The following SPATA6L variants were observed in gnomAD, a reference collection of about 807,000 sequenced individuals.
SPATA6L encodes spermatogenesis associated 6 like, also known as spermatogenesis associated 6-like protein.
SPATA6L carries 68 observed loss-of-function variants against 49.2 expected under a neutral mutation model. That is an observed-to-expected ratio of 1.38 (90% CI 1.14 to 1.69). The LOEUF is 1.69. Ranked by LOEUF, SPATA6L falls within the 40% of genes most tolerant of loss-of-function variation. The pLI is 0.00. For synonymous variants in SPATA6L, 198 were observed against 165.7 expected (o/e 1.19, Z -1.50); for missense variants, 668 against 464.3 (o/e 1.44, Z -4.03).
At chr9:4,640,039 T>C (rs188179065) in intron 3 of SPATA6L, among the ~76,000 whole-genome samples, 1 of 152,356 alleles carries the variant, frequency 6.6e-6, no homozygotes, top group Admixed American at 6.5e-5. Flanking sequence ...TATGAAAGTA[T>C]AAAATATTGC....
chr9:4,621,919 T>C (rs561411817), intron 7 of SPATA6L, among the ~76,000 whole-genome samples: 1 of 152,364 alleles, frequency 6.6e-6, no homozygotes, highest in East Asian at 1.9e-4. Context: ...GCCTGAAATT[T>C]AAAGGTTTAA....
Position 4,613,590 on chromosome 9 carries a change from C to CT in SPATA6L, c.995+4332dup, listed in dbSNP as rs939266024. On this transcript the variant is annotated intron_variant, in intron 9 of 11. Coordinates refer to ENST00000682582, the MANE Select transcript of SPATA6L (RefSeq NM_001353486.2). The stretch of plus-strand genomic sequence containing the variant: ...CATTATTTCTATTCTTCTCTAAGAA[C>CT]TTTTTTTTTTTGACCCAGAGTCTCA... Among the ~76,000 whole-genome samples, 92 of 147,844 alleles carry CT rather than the reference C, an allele frequency of 6.2e-4. No individual in the cohort carries two copies. The Middle Eastern group carries it at 0.01, about 17-fold the overall frequency.
chr9:4,631,055 G>A (rs1388305156), intron 4 of SPATA6L, among the ~76,000 whole-genome samples: 1 of 152,148 alleles, frequency 6.6e-6, no homozygotes, highest in Non-Finnish European at 1.5e-5. Context: ...GTCCCCTGCT[G>A]GTAAGGAATC....
chr9:4,606,378 C>G (rs1470879152), intron 9 of SPATA6L, among the ~76,000 whole-genome samples: 2 of 127,606 alleles, frequency 1.6e-5, no homozygotes, highest in African/African-American at 3.3e-5. Flanking sequence ...GCAGTAACCT[C>G]TGCAGACTTA....
chr9:4,604,394 C>CTA, intron 10 of SPATA6L, 125 bp from the exon 11 acceptor site: 1 of 599,956 alleles, frequency 1.7e-6, no homozygotes, highest in Non-Finnish European at 2.9e-6. Flanking sequence ...ATGGGGTTCA[C>CTA]TATATATGTG....
intron 11 of SPATA6L, among the ~76,000 whole-genome samples, chr9:4,601,332 G>C (rs1344315486): frequency 6.6e-6 from 1 of 150,740 alleles, no homozygotes. Context: ...CCTTCCAAGA[G>C]AACTAGGGAT....
chr9:4,660,485 C>A (rs1839367456), intron 2 of SPATA6L, among the ~76,000 whole-genome samples: 1 of 152,180 alleles, frequency 6.6e-6, no homozygotes, highest in Non-Finnish European at 1.5e-5. Context: ...CAATGAGATA[C>A]CATCTCACAC....
At position 4,600,357 on chromosome 9, in the gene SPATA6L, C is replaced by T. The variant is rs1386909577; in HGVS notation, c.*454G>A. On this transcript the variant is annotated 3_prime_UTR_variant, in exon 12 of 12. Coordinates refer to ENST00000682582, the MANE Select transcript of SPATA6L (RefSeq NM_001353486.2). ...AGAAATAAACAAACAACAACAAAAA[C>T]GGATCTACCGAAAAGAGAAAGTCAG... Among the ~76,000 whole-genome samples the T allele has an allele frequency of 6.6e-6, 1 of 152,092 alleles. No homozygotes were observed. Among genetic ancestry groups the T allele is most frequent in the Non-Finnish European group, 1.5e-5 (1 of 68,026 alleles).
At chr9:4,602,496 A>C (rs752418142) in intron 11 of SPATA6L, among the ~76,000 whole-genome samples, 12 of 152,214 alleles carry the variant, frequency 7.9e-5, no homozygotes, top group Non-Finnish European at 1.3e-4. Flanking sequence ...TCTGTAAAGC[A>C]TGCATGACCC....
At chr9:4,626,483 C>A (rs1175424687) in intron 5 of SPATA6L, 2 of 1,304,378 alleles carry the variant, frequency 1.5e-6, no homozygotes, top group Non-Finnish European at 2.0e-6. Context: ...GTCTGGGTCC[C>A]ATTTCTGTTC....
At chr9:4,645,443 C>G (rs984287235) in intron 3 of SPATA6L, among the ~76,000 whole-genome samples, 12 of 152,120 alleles carry the variant, frequency 7.9e-5, no homozygotes, top group African/African-American at 2.7e-4. Flanking sequence ...TGAGGGCCTT[C>G]TTGCTGGTGG....
chr9:4,665,283 AT>A, intron 1 of SPATA6L: 1 of 160,376 alleles, frequency 6.2e-6, no homozygotes. Flanking sequence ...AACTTGCTTA[AT>A]TTTTGCCTTG....
chr9:4,609,852 A>C (rs1330000106), intron 9 of SPATA6L, among the ~76,000 whole-genome samples: 3 of 151,982 alleles, frequency 2.0e-5, no homozygotes, highest in Non-Finnish European at 4.4e-5. Context: ...GAAGAAGTCA[A>C]ATTGTCCCTG....
chr9:4,603,695 T>C (rs765352440), intron 11 of SPATA6L, among the ~76,000 whole-genome samples: 1 of 152,078 alleles, frequency 6.6e-6, no homozygotes, highest in Non-Finnish European at 1.5e-5. Context: ...TCAGCCCAGA[T>C]AAAAATATAA....
In SPATA6L at chr9:4,635,326, C is replaced by A; in HGVS notation, c.300G>T (p.Ser100=). The A allele has an allele frequency of 1.3e-6, 2 of 1,589,108 alleles. No homozygotes were observed. The highest frequency in any genetic ancestry group is 1.7e-6 in the Non-Finnish European group (2 of 1,171,158). ...FLFPEPKLTP[S]HPRRCREVLM... ...GCACCTCCCTACACCTCCTAGGGTG[C>A]GAAGGTGTCAGCTTGGGCTCTGGGA... Residue 100 remains serine (S), a synonymous_variant, in exon 4 of 12, where the codon TCG becomes TCT. Coordinates refer to ENST00000682582, the MANE Select transcript of SPATA6L (RefSeq NM_001353486.2).
chr9:4,597,429 C>A (rs1822371509), downstream of SPATA6L, among the ~76,000 whole-genome samples: 1 of 151,750 alleles, frequency 6.6e-6, no homozygotes, highest in Non-Finnish European at 1.5e-5. Flanking sequence ...GACGCAGAAT[C>A]CCAAGGAAAA....
At position 4,646,427 on chromosome 9, in the gene SPATA6L, G is replaced by A. The variant is rs148530104; in HGVS notation, c.226+9614C>T. ...TTAAGTACAGTCCCCATTTTGACAG[G>A]CCAAATTTATTTTAAAATCATATTA... On this transcript the variant is annotated intron_variant, in intron 3 of 11. Transcript: ENST00000682582. The A allele has an allele frequency of 3.5e-3, 4,388 of 1,265,742 alleles. 13 individuals are homozygous for A. The highest frequency in any genetic ancestry group is 4.0e-3 in the Non-Finnish European group (3,735 of 932,040). The allele number at this position is 1,265,742 out of a possible 1,614,324, so 78.4% of individuals were successfully genotyped here. A position where few individuals can be genotyped will look rare whatever the true frequency, so the allele number is the denominator to read the frequency against.
Position 4,622,420 on chromosome 9 carries a change from G to A in SPATA6L, c.760C>T (p.Pro254Ser), listed in dbSNP as rs545963773. Residue 254 changes from proline (P) to serine (S), a missense_variant, in exon 7 of 12, where the codon CCA becomes TCA. Coordinates refer to ENST00000682582, the MANE Select transcript of SPATA6L (RefSeq NM_001353486.2). ...RKSKFSDFPFPTRRASSLDSL... is the reference protein window; with the variant it reads ...RKSKFSDFPFSTRRASSLDSL... ...GAAACTCGAGTACCTCTTCTCGTTGGAAACGGAAAGTCTGAAAACTTAGAT... is the reference window on the plus strand; with the variant it reads ...GAAACTCGAGTACCTCTTCTCGTTGAAAACGGAAAGTCTGAAAACTTAGAT... The A allele has an allele frequency of 1.2e-6, 2 of 1,610,648 alleles. No individual in the cohort carries two copies. Among genetic ancestry groups the A allele is most frequent in the South Asian group, 2.2e-5 (2 of 91,010 alleles).
chr9:4,661,089 T>C (rs1839590694), intron 2 of SPATA6L, among the ~76,000 whole-genome samples: 1 of 152,174 alleles, frequency 6.6e-6, no homozygotes, highest in Non-Finnish European at 1.5e-5. Context: ...TGTATACATA[T>C]ATAACAAACC....
Sources: allele counts gnomAD v4.1 joint callset (sites outside exome capture counted in the v4.1 genomes callset), GRCh38; gene constraint gnomAD v4.1.1; transcripts MANE v1.5; gene names NCBI Gene and HGNC (gene_info 2026-07-23, HGNC 2026-07-21).